MYH15: variants seen among roughly 807,000 people sequenced by gnomAD.
MYH15 encodes myosin heavy chain 15, also known as myosin-15.
A neutral mutation model predicts 240.5 loss-of-function variants in MYH15; 227 were observed. That is an observed-to-expected ratio of 0.94 (90% CI 0.85 to 1.05). The LOEUF (loss-of-function observed/expected upper bound fraction) is 1.05, where lower values mean the gene tolerates loss of function less well. Ranked by LOEUF, MYH15 falls within the 50% of genes least tolerant of loss-of-function variation. The pLI is 0.00. For missense variants in MYH15, 2,217 were observed against 2,247.5 expected, an observed-to-expected ratio of 0.99 and a Z score of 0.27; for synonymous variants, 785 against 796.7, an observed-to-expected ratio of 0.99 and a Z score of 0.25.
intron 12 of MYH15, among the ~76,000 whole-genome samples, chr3:108,474,720 C>A (rs2083205926): frequency 6.6e-6 from 1 of 152,108 alleles, no homozygotes. Flanking sequence ...CATAGCATGT[C>A]ATGCATGCAT....
upstream of MYH15, among the ~76,000 whole-genome samples, chr3:108,530,354 T>A (rs568677200): frequency 3.0e-4 from 45 of 152,174 alleles, no homozygotes; most frequent in Non-Finnish European, 3.7e-4. Flanking sequence ...GGCTATACAC[T>A]GTTTGACAAT....
At chr3:108,520,729 C>CTCTA (rs530817801) in intron 1 of MYH15, among the ~76,000 whole-genome samples, 193 of 152,254 alleles carry the variant, frequency 1.3e-3, no homozygotes, top group African/African-American at 4.4e-3. Context: ...GAGTCTTGGG[C>CTCTA]TCTAGTGCTA....
In MYH15 at chr3:108,456,901, T is replaced by G; in HGVS notation, c.2021-18A>C. 1 of 1,544,182 alleles carries G rather than the reference T, an allele frequency of 6.5e-7. No homozygotes were observed. Among genetic ancestry groups the G allele is most frequent in the Non-Finnish European group, 8.9e-7 (1 of 1,125,412 alleles). The stretch of plus-strand genomic sequence containing the variant: ...CAGTATACCTGGAAAAAAAAAAGAG[T>G]CATGGTGGATCTGTGCCTGAAAAAA... On this transcript the variant is annotated intron_variant, in intron 18 of 40. Coordinates refer to ENST00000693548, the MANE Select transcript of MYH15 (RefSeq NM_014981.3).
chr3:108,451,198 G>A (rs1415454622), intron 21 of MYH15, among the ~76,000 whole-genome samples: 2 of 152,018 alleles, frequency 1.3e-5, no homozygotes, highest in Non-Finnish European at 2.9e-5. Context: ...TGCTCAAAAT[G>A]GTGAAACCTT....
Position 108,444,862 on chromosome 3 carries a change from T to G in MYH15, c.2433A>C (p.Arg811Ser). 1.2e-6 allele frequency: 2 copies of G among 1,613,578 alleles called. No individual in the cohort carries two copies. The highest frequency in any genetic ancestry group is 1.7e-6 in the Non-Finnish European group (2 of 1,179,862). The change falls in exon 22 of 41, where the codon AGA (arginine) becomes AGC (serine). Residue 811 changes from arginine (R) to serine (S), a missense_variant. Transcript: ENST00000693548. The stretch of plus-strand genomic sequence containing the variant: ...GCCAGTTCTTCACAGCCATGAAAGC[T>G]CTTATGTTCCATTGGATCAAAATAA... ...DALILIQWNIRAFMAVKNWPW... is the reference protein window; with the variant it reads ...DALILIQWNISAFMAVKNWPW...
At chr3:108,508,764 C>T (rs142626940) in intron 1 of MYH15, among the ~76,000 whole-genome samples, 4 of 152,196 alleles carry the variant, frequency 2.6e-5, no homozygotes, top group African/African-American at 9.6e-5. Flanking sequence ...AAATAGATCG[C>T]TTACATGTTC....
At chr3:108,469,176 C>T (rs2083148967) in intron 14 of MYH15, among the ~76,000 whole-genome samples, 1 of 152,192 alleles carries the variant, frequency 6.6e-6, no homozygotes. Flanking sequence ...AAACCCAGGG[C>T]TTGCAAAGGA....
chr3:108,463,566 C>A (rs1301600859), intron 15 of MYH15, among the ~76,000 whole-genome samples: 1 of 152,034 alleles, frequency 6.6e-6, no homozygotes, highest in Non-Finnish European at 1.5e-5. Context: ...ACTCCTAGGG[C>A]TCAAGCAATC....
intron 30 of MYH15, among the ~76,000 whole-genome samples, chr3:108,412,535 A>G (rs1292003631): frequency 1.3e-5 from 2 of 152,212 alleles, no homozygotes; most frequent in Non-Finnish European, 2.9e-5. Context: ...TTTCAAAGCT[A>G]AAACAGGAAA....
intron 29 of MYH15, 46 bp downstream of exon 29, chr3:108,416,766 A>G (rs2082636603): frequency 2.7e-6 from 4 of 1,460,598 alleles, no homozygotes; most frequent in East Asian, 2.3e-5. Flanking sequence ...TTTTAAAAAA[A>G]AAAACACACA....
At chr3:108,489,269 G>A (rs1395663746) in intron 9 of MYH15, among the ~76,000 whole-genome samples, 1 of 152,250 alleles carries the variant, frequency 6.6e-6, no homozygotes, top group East Asian at 1.9e-4. Flanking sequence ...ACAGGGTTGA[G>A]GCCAAATGTC....
At chr3:108,484,968 G>A in intron 11 of MYH15, 123 bp downstream of exon 11, 1 of 1,030,284 alleles carries the variant, frequency 9.7e-7, no homozygotes, top group Non-Finnish European at 1.4e-6. Context: ...TTGAAGAACA[G>A]CAATCAAGGG....
intron 7 of MYH15, among the ~76,000 whole-genome samples, chr3:108,494,556 T>A (rs1482829728): frequency 6.6e-6 from 1 of 152,116 alleles, no homozygotes; most frequent in Non-Finnish European, 1.5e-5. Context: ...TGTAGTGGTA[T>A]CATCATAGCT....
rs751604307 is a variant in MYH15, at chr3:108,495,869, C to T, written c.622G>A (p.Ala208Thr). The T allele has an allele frequency of 3.1e-6, 5 of 1,604,410 alleles. No homozygotes were observed. Among genetic ancestry groups the T allele is most frequent in the Non-Finnish European group, 3.4e-6 (4 of 1,175,168 alleles). Reference protein sequence around the residue: ...AMIESRKKQGALEDQIMQANT... With the variant: ...AMIESRKKQGTLEDQIMQANT... ...GCTTGCATGATTTGATCTTCTAACG[C>T]CCCCTGAGACACATGCAAGAGAAGT... The change falls in exon 7 of 41, where the codon GCG (alanine) becomes ACG (threonine). Residue 208 changes from alanine to threonine, a missense_variant. Physicochemically the swap from Ala to Thr is moderately conservative, Grantham distance 58. Coordinates refer to ENST00000693548, the MANE Select transcript of MYH15 (RefSeq NM_014981.3).
chr3:108,463,231 T>C lies in MYH15; in HGVS notation c.1744A>G (p.Ile582Val), dbSNP rs2083085925. 1 of 1,608,854 alleles carries C rather than the reference T, an allele frequency of 6.2e-7. No homozygotes were observed. Among genetic ancestry groups the C allele is most frequent in the Admixed American group, 1.7e-5 (1 of 58,706 alleles). The change falls in exon 16 of 41, where the codon ATC (isoleucine) becomes GTC (valine). Residue 582 changes from isoleucine (I) to valine (V), a missense_variant. By Grantham distance (29) the Ile-to-Val change is conservative. Coordinates refer to ENST00000693548, the MANE Select transcript of MYH15 (RefSeq NM_014981.3). ...VHYAGVVPYN[I>V]SGWLEKNKDL... ...TTGTTCTTTTCCAGCCAACCACTGA[T>C]ATTATAAGGTACCTTTGGAAAGGCA... is the stretch of plus-strand genomic sequence containing the variant.
At position 108,387,176 on chromosome 3, in the gene MYH15, A is replaced by G. The variant is rs540323480; in HGVS notation, c.5535+1794T>C. Among the ~76,000 whole-genome samples the G allele has an allele frequency of 7.9e-5, 12 of 152,292 alleles. No individual in the cohort carries two copies. In the East Asian group the frequency reaches 2.1e-3, roughly 27 times the overall value. On this transcript the variant is annotated intron_variant, in intron 38 of 40. Coordinates refer to ENST00000693548, the MANE Select transcript of MYH15 (RefSeq NM_014981.3). ...AAATGATATTTGTGTCCCTTTCAAA[A>G]TGACATTTTTAATTGCACCTAGGAA...
chr3:108,409,400 G>C (rs979164277), intron 31 of MYH15, among the ~76,000 whole-genome samples: 6 of 152,132 alleles, frequency 3.9e-5, no homozygotes, highest in African/African-American at 1.4e-4. Context: ...CAGCAGCACC[G>C]GCCTCACCTG....
chr3:108,545,123 G>T, the MYH15 span, among the ~76,000 whole-genome samples: 2 of 152,082 alleles, frequency 1.3e-5, no homozygotes, highest in African/African-American at 4.8e-5. Context: ...TATGAAAAAT[G>T]CTTCTTTCAA....
At chr3:108,417,026 C>A (rs2082639858) in intron 28 of MYH15, 96 bp from the exon 29 acceptor site, 2 of 883,186 alleles carry the variant, frequency 2.3e-6, no homozygotes, top group Admixed American at 2.2e-5. Flanking sequence ...CAGAATGACT[C>A]CTACCCACAT....
Sources: allele counts gnomAD v4.1 joint callset (sites outside exome capture counted in the v4.1 genomes callset), GRCh38; gene constraint gnomAD v4.1.1; transcripts MANE v1.5; gene names NCBI Gene and HGNC (gene_info 2026-07-23, HGNC 2026-07-21).